Variants in MGA observed in about 807,000 individuals in gnomAD.
MGA encodes the protein MAX dimerization protein MGA, also known as MAX gene-associated protein.
A neutral mutation model predicts 261.1 loss-of-function variants in MGA; 40 were observed. The observed-to-expected ratio is 0.15, with a 90% CI of 0.12 to 0.20. The LOEUF is 0.20. Ranked by LOEUF, MGA falls within the 10% of genes least tolerant of loss-of-function variation. The pLI is 1.00. For missense variants in MGA, 3,397 were observed against 3,630.5 expected, an observed-to-expected ratio of 0.94 and a Z score of 1.65; for synonymous variants, 1,302 against 1,290.6, an observed-to-expected ratio of 1.01 and a Z score of -0.19.
At chr15:41,692,189 C>T (rs1054525052) in intron 2 of MGA, among the ~76,000 whole-genome samples, 1 of 152,124 alleles carries the variant, frequency 6.6e-6, no homozygotes, top group Non-Finnish European at 1.5e-5. Flanking sequence ...CAGCTCACCT[C>T]TCGTTTCAGC....
At chr15:41,686,542 T>C (rs1435132532) in intron 2 of MGA, among the ~76,000 whole-genome samples, 1 of 152,096 alleles carries the variant, frequency 6.6e-6, no homozygotes, top group African/African-American at 2.4e-5. Context: ...AAAAAATTTT[T>C]TTTTTGAGTG....
chr15:41,706,585 C>CTTTT (rs11407130), intron 5 of MGA, among the ~76,000 whole-genome samples: 14 of 136,512 alleles, frequency 1.0e-4, no homozygotes, highest in South Asian at 4.5e-4. Context: ...TTTTTTTTCC[C>CTTTT]TTTTTTTTTT....
chr15:41,648,263 G>A (rs1041206777), intron 1 of MGA, among the ~76,000 whole-genome samples: 1 of 152,158 alleles, frequency 6.6e-6, no homozygotes, highest in Non-Finnish European at 1.5e-5. Context: ...GAGTGTCTGG[G>A]TTCAAGTTTT....
At chr15:41,649,593 G>A (rs966414756) in intron 1 of MGA, among the ~76,000 whole-genome samples, 2 of 152,092 alleles carry the variant, frequency 1.3e-5, no homozygotes, top group African/African-American at 4.8e-5. Context: ...TAGAAGGAAG[G>A]GAGAGGAGGA....
At chr15:41,697,140 A>C in intron 3 of MGA, 117 bp downstream of exon 3, 2 of 879,388 alleles carry the variant, frequency 2.3e-6, no homozygotes, top group South Asian at 4.2e-5. Flanking sequence ...GTGAGGGTGT[A>C]TGGGGGGTGG....
intron 11 of MGA, among the ~76,000 whole-genome samples, chr15:41,732,120 G>C (rs930277752): frequency 1.3e-5 from 2 of 149,860 alleles, no homozygotes; most frequent in Non-Finnish European, 3.0e-5. Flanking sequence ...TTATTTTAAA[G>C]AAAAAGCCCC....
intron 2 of MGA, among the ~76,000 whole-genome samples, chr15:41,675,731 A>T (rs1264140687): frequency 6.6e-6 from 1 of 152,108 alleles, no homozygotes; most frequent in African/African-American, 2.4e-5. Context: ...TGTAAGTAGA[A>T]ATTCATCTTT....
In MGA at chr15:41,766,405, T is replaced by C. The variant is rs1266262962; in HGVS notation, c.8323T>C (p.Phe2775Leu). The change falls in exon 24 of 24, where the codon TTT (phenylalanine) becomes CTT (leucine). Residue 2775 changes from phenylalanine (F) to leucine (L), a missense_variant. Transcript: ENST00000219905. ...GAGAGTGAAGTCAAAGGATTCTTCATTTCATAAATTAAAGATGAAAGATCT... is the reference window on the plus strand; with the variant it reads ...GAGAGTGAAGTCAAAGGATTCTTCACTTCATAAATTAAAGATGAAAGATCT... 6.2e-7 allele frequency: 1 copy of C among 1,613,874 alleles called. No homozygotes were observed. Among genetic ancestry groups the C allele is most frequent in the Non-Finnish European group, 8.5e-7 (1 of 1,179,798 alleles).
intron 5 of MGA, among the ~76,000 whole-genome samples, chr15:41,707,449 C>T (rs1264786807): frequency 6.6e-6 from 1 of 152,156 alleles, no homozygotes; most frequent in African/African-American, 2.4e-5. Context: ...ATCTCCCTTA[C>T]CACATTTTAT....
chr15:41,664,615 C>T (rs1940420042), intron 1 of MGA, among the ~76,000 whole-genome samples: 1 of 152,134 alleles, frequency 6.6e-6, no homozygotes, highest in Admixed American at 6.5e-5. Context: ...TCACGTGGAA[C>T]ACATACACAC....
chr15:41,637,997 C>G (rs1409727907), intron 1 of MGA, among the ~76,000 whole-genome samples: 2 of 134,244 alleles, frequency 1.5e-5, no homozygotes, highest in African/African-American at 5.6e-5. Context: ...TCCCAAAGTA[C>G]TGGGATTACA....
chr15:41,729,367 T>C lies in MGA; in HGVS notation c.3843+18T>C. On this transcript the variant is annotated intron_variant, in intron 11 of 23. Coordinates refer to ENST00000219905, the MANE Select transcript of MGA (RefSeq NM_001164273.2). ...ATGCAAAGGTGAGTTTCTTGTTGCA[T>C]AAGTTCTTTTTAACTTCTGATTACC... 2 of 1,592,760 alleles carry C rather than the reference T, an allele frequency of 1.3e-6. No homozygotes were observed. Among genetic ancestry groups the C allele is most frequent in the Non-Finnish European group, 1.7e-6 (2 of 1,170,136 alleles).
At chr15:41,726,545 A>G (rs2061257339) in intron 9 of MGA, among the ~76,000 whole-genome samples, 2 of 152,112 alleles carry the variant, frequency 1.3e-5, no homozygotes, top group African/African-American at 4.8e-5. Flanking sequence ...CCTGGCCAAC[A>G]TGACAAAACC....
intron 1 of MGA, among the ~76,000 whole-genome samples, chr15:41,665,090 A>C (rs1271691919): frequency 2.0e-5 from 3 of 152,230 alleles, no homozygotes; most frequent in African/African-American, 7.2e-5. Flanking sequence ...GATTTTAAAA[A>C]TATCTATTAT....
In MGA at chr15:41,705,077, A is replaced by G. The variant is rs570815122; in HGVS notation, c.2189-2651A>G. ...ATAGGTTTTTCACAATATGCTTTCT[A>G]TGAATTATTCAGCCAAATTATTTTC... On this transcript the variant is annotated intron_variant, in intron 5 of 23. Coordinates refer to ENST00000219905, the MANE Select transcript of MGA (RefSeq NM_001164273.2). Among the ~76,000 whole-genome samples, 68 of 152,356 alleles carry G rather than the reference A, an allele frequency of 4.5e-4. No individual in the cohort carries two copies. In the South Asian group the frequency reaches 0.011, roughly 24 times the overall value.
At chr15:41,722,137 T>C (rs2060976284) in intron 9 of MGA, among the ~76,000 whole-genome samples, 1 of 144,662 alleles carries the variant, frequency 6.9e-6, no homozygotes, top group East Asian at 2.0e-4. Flanking sequence ...TTTTTTTTTT[T>C]TTTTTTTTTT....
At chr15:41,728,328 C>G (rs148439010) in intron 10 of MGA, among the ~76,000 whole-genome samples, 193 of 152,226 alleles carry the variant, frequency 1.3e-3, no homozygotes, top group African/African-American at 4.4e-3. Context: ...AAGACTCCAT[C>G]TCAAAAACAA....
chr15:41,750,345 G>C lies in MGA; in HGVS notation c.6738G>C (p.Arg2246Ser), dbSNP rs1309045779. ...AAACTGAATGTGATTCTTGGAGTAG[G>C]ATTTCTAATCCTTCAGCCTTCTCCA... is the stretch of plus-strand genomic sequence containing the variant. The change falls in exon 17 of 24, where the codon AGG becomes AGC. Residue 2246 changes from arginine to serine, a missense_variant. Physicochemically the swap from Arg to Ser is moderately radical, Grantham distance 110 (BLOSUM62 -1). This residue lies in a region of MGA where 1,410 missense variants were observed against 1,386.4 expected (regional missense o/e 1.02). Transcript: ENST00000219905. 1.2e-5 allele frequency: 20 copies of C among 1,613,994 alleles called. No homozygotes were observed. The highest frequency in any genetic ancestry group is 1.6e-4 in the Middle Eastern group (1 of 6,062).
At chr15:41,687,709 A>G (rs987135243) in intron 2 of MGA, among the ~76,000 whole-genome samples, 1 of 152,232 alleles carries the variant, frequency 6.6e-6, no homozygotes, top group East Asian at 1.9e-4. Context: ...TTTGGAAATT[A>G]TCAAGGGTTT....
Sources: allele counts gnomAD v4.1 joint callset (sites outside exome capture counted in the v4.1 genomes callset), GRCh38; gene constraint gnomAD v4.1.1; regional missense constraint gnomAD v4.1.1; transcripts MANE v1.5; gene names NCBI Gene and HGNC (gene_info 2026-07-23, HGNC 2026-07-21).